Variants in RECK observed in about 807,000 individuals in gnomAD.
RECK encodes reversion inducing cysteine rich protein with kazal motifs, also known as reversion-inducing cysteine-rich protein with Kazal motifs.
Under a neutral mutation model 115.1 loss-of-function variants are expected in RECK, and 69 were observed. The observed-to-expected ratio is 0.60, with a 90% CI of 0.49 to 0.73. The LOEUF (loss-of-function observed/expected upper bound fraction) is 0.73, where lower values mean the gene tolerates loss of function less well. RECK is among the 30% of genes least tolerant of loss of function. The pLI, the probability that RECK is intolerant of heterozygous loss-of-function variation, is 0.00. For synonymous variants in RECK, 414 were observed against 419.7 expected (o/e 0.99, Z 0.17); for missense variants, 1,047 against 1,203.7 (o/e 0.87, Z 1.93).
chr9:36,107,794 A>G (rs1479709989), intron 13 of RECK, among the ~76,000 whole-genome samples, 182 bp from the exon 14 acceptor site: 1 of 152,172 alleles, frequency 6.6e-6, no homozygotes, highest in Non-Finnish European at 1.5e-5. Flanking sequence ...GTGGAATTTT[A>G]ATTTGAGAGG....
chr9:36,062,936 A>T (rs912385996), intron 4 of RECK, among the ~76,000 whole-genome samples: 1 of 151,874 alleles, frequency 6.6e-6, no homozygotes. Flanking sequence ...GGAGTTCAAG[A>T]CCAGCCTGGT....
chr9:36,080,208 C>T (rs1822630959), intron 6 of RECK, among the ~76,000 whole-genome samples: 1 of 152,122 alleles, frequency 6.6e-6, no homozygotes, highest in Admixed American at 6.5e-5. Context: ...TGTCTAAAAT[C>T]CTTTCAAATC....
chr9:36,078,195 G>A lies in RECK; in HGVS notation c.406-2410G>A, dbSNP rs1822530829. Among the ~76,000 whole-genome samples, 5 of 152,248 alleles carry A rather than the reference G, an allele frequency of 3.3e-5. No homozygotes were observed. In the South Asian group the frequency reaches 1.0e-3, roughly 31 times the overall value. ...TTGCCAGCCCCTGTTGTGAGTAAAA[G>A]CTATTGTCCATAAGTATTTCCCCTT... On this transcript the variant is annotated intron_variant, in intron 6 of 20. Coordinates refer to ENST00000377966, the MANE Select transcript of RECK (RefSeq NM_021111.3).
chr9:36,123,253 C>T lies in RECK; in HGVS notation c.*208C>T, dbSNP rs2132682140. 1 of 516,656 alleles carries T rather than the reference C, an allele frequency of 1.9e-6. No individual in the cohort carries two copies. The highest frequency in any genetic ancestry group is 3.1e-5 in the East Asian group (1 of 32,012). The allele number at this position is 516,656 out of a possible 1,614,324, so 32.0% of individuals were successfully genotyped here. A position where few individuals can be genotyped will look rare whatever the true frequency, so the allele number is the denominator to read the frequency against. ...ATGTTAAAATGTGTTGTTCCAAATA[C>T]TAATGAAAACAGAATGTCTCTTCCT... On this transcript the variant is annotated 3_prime_UTR_variant, in exon 21 of 21. Transcript: ENST00000377966.
intron 3 of RECK, 104 bp from the exon 4 acceptor site, chr9:36,060,015 C>A: frequency 9.9e-7 from 1 of 1,011,670 alleles, no homozygotes; most frequent in South Asian, 1.3e-5. Flanking sequence ...ACTGTGTAGA[C>A]ATAGCCATAA....
intron 10 of RECK, among the ~76,000 whole-genome samples, 184 bp from the exon 11 acceptor site, chr9:36,100,147 G>T (rs1823506352): frequency 6.6e-6 from 1 of 152,230 alleles, no homozygotes; most frequent in Non-Finnish European, 1.5e-5. Context: ...CATGCAATCA[G>T]AGTTTAATGC....
At position 36,118,587 on chromosome 9, in the gene RECK, C is replaced by T. The variant is rs567157250; in HGVS notation, c.2254-170C>T. Among the ~76,000 whole-genome samples, 6 of 152,260 alleles carry T rather than the reference C, an allele frequency of 3.9e-5. No individual in the cohort carries two copies. The South Asian group carries it at 1.0e-3, about 26-fold the overall frequency. Reference sequence around the variant, plus strand: ...CTGGAGACACCCATATTGCTGCCCACGCCACCACCACCCCCAGCATTTAGC... The same window carrying T: ...CTGGAGACACCCATATTGCTGCCCATGCCACCACCACCCCCAGCATTTAGC... On this transcript the variant is annotated intron_variant, in intron 17 of 20. Coordinates refer to ENST00000377966, the MANE Select transcript of RECK (RefSeq NM_021111.3).
At chr9:36,066,537 C>T (rs1187440957) in intron 6 of RECK, among the ~76,000 whole-genome samples, 1 of 151,672 alleles carries the variant, frequency 6.6e-6, no homozygotes, top group Non-Finnish European at 1.5e-5. Flanking sequence ...ATCTTTTGTT[C>T]CTTTGTACTG....
chr9:36,060,644 C>G (rs1042962942), intron 4 of RECK, among the ~76,000 whole-genome samples: 1 of 151,976 alleles, frequency 6.6e-6, no homozygotes, highest in African/African-American at 2.4e-5. Flanking sequence ...AGAACCTATT[C>G]TGCCTTGCCT....
Position 36,123,027 on chromosome 9 carries a change from G to T in RECK, c.2898G>T (p.Leu966Phe). The T allele has an allele frequency of 6.2e-7, 1 of 1,613,876 alleles. No individual in the cohort carries two copies. Reference protein sequence around the residue: ...LPLSLGLALHLLWTYN With the variant: ...LPLSLGLALHFLWTYN Reference sequence around the variant, plus strand: ...TCAGCTTGGGCCTTGCCTTGCACTTGCTCTGGACATATAACTGACTGCCCA... The same window carrying T: ...TCAGCTTGGGCCTTGCCTTGCACTTTCTCTGGACATATAACTGACTGCCCA... Residue 966 changes from leucine (L) to phenylalanine (F), a missense_variant, in exon 21 of 21, where the codon TTG becomes TTT. Physicochemically the swap from Leu to Phe is conservative, Grantham distance 22. Coordinates refer to ENST00000377966, the MANE Select transcript of RECK (RefSeq NM_021111.3).
intron 9 of RECK, among the ~76,000 whole-genome samples, chr9:36,089,967 TACAC>T (rs55678229): frequency 0.3 from 42,898 of 143,624 alleles, 6,586 homozygotes; most frequent in Middle Eastern, 0.42. Context: ...CTACTAAAAA[TACAC>T]ACACACACAC....
chr9:36,109,318 G>A (rs980631277), intron 14 of RECK, among the ~76,000 whole-genome samples: 21 of 152,286 alleles, frequency 1.4e-4, no homozygotes, highest in African/African-American at 4.8e-4. Flanking sequence ...TCTGGGAGCT[G>A]GGCATTCCTG....
chr9:36,116,761 G>A (rs1351684031), intron 16 of RECK, among the ~76,000 whole-genome samples: 3 of 152,124 alleles, frequency 2.0e-5, no homozygotes, highest in Non-Finnish European at 4.4e-5. Context: ...CTCCCCAGAC[G>A]AGAATGACTC....
intron 4 of RECK, among the ~76,000 whole-genome samples, chr9:36,063,128 C>G (rs975810963): frequency 6.6e-6 from 1 of 151,796 alleles, no homozygotes; most frequent in African/African-American, 2.4e-5. Context: ...GAGCAAGACT[C>G]CATCTCAAAA....
At chr9:36,052,549 G>T (rs570225508) in intron 2 of RECK, among the ~76,000 whole-genome samples, 2 of 152,268 alleles carry the variant, frequency 1.3e-5, no homozygotes, top group East Asian at 3.9e-4. Flanking sequence ...AAGTCTGTTG[G>T]ATAGTACCTT....
chr9:36,061,778 T>C lies in RECK; in HGVS notation c.271+1623T>C, dbSNP rs10972711. On this transcript the variant is annotated intron_variant, in intron 4 of 20. Coordinates refer to ENST00000377966, the MANE Select transcript of RECK (RefSeq NM_021111.3). ...CTAGATGTGAATTTGTTACCCTTTG[T>C]ACCCTTAAGACACATAGTGATAAGC... Among the ~76,000 whole-genome samples, 10 of 152,358 alleles carry C rather than the reference T, an allele frequency of 6.6e-5. No individual in the cohort carries two copies. The East Asian group carries it at 1.9e-3, about 29-fold the overall frequency.
chr9:36,110,988 T>A (rs1480533391), intron 15 of RECK, among the ~76,000 whole-genome samples: 1 of 152,238 alleles, frequency 6.6e-6, no homozygotes, highest in Non-Finnish European at 1.5e-5. Context: ...TTTATTATTA[T>A]CCTTTGCCCT....
intron 18 of RECK, 99 bp downstream of exon 18, chr9:36,119,066 T>C: frequency 8.2e-7 from 1 of 1,220,722 alleles, no homozygotes; most frequent in Non-Finnish European, 1.2e-6. Flanking sequence ...ATTTACGTTT[T>C]TCAGAAAGTC....
chr9:36,122,160 G>A (rs555441432), intron 20 of RECK, among the ~76,000 whole-genome samples: 2 of 152,176 alleles, frequency 1.3e-5, no homozygotes, highest in Non-Finnish European at 2.9e-5. Flanking sequence ...GTGTTTCTTT[G>A]TCAGTCTGGA....
Sources: gnomAD v4.1 joint callset for allele counts (sites outside exome capture counted in the v4.1 genomes callset) on GRCh38, gnomAD v4.1.1 for gene constraint, MANE v1.5 for transcripts, NCBI Gene and HGNC (gene_info 2026-07-23, HGNC 2026-07-21) for gene names.